Variants in TRMT11 observed in about 807,000 individuals in gnomAD.
TRMT11 encodes the protein tRNA (guanine(10)-N(2))-methyltransferase TRMT11.
Under a neutral mutation model 62.8 loss-of-function variants are expected in TRMT11, and 53 were observed. That is an observed-to-expected ratio of 0.84 (90% CI 0.68 to 1.06). The LOEUF (loss-of-function observed/expected upper bound fraction) is 1.06, where lower values mean the gene tolerates loss of function less well. Ranked by LOEUF, TRMT11 falls within the 50% of genes least tolerant of loss-of-function variation. The pLI is 0.00. For synonymous variants in TRMT11, 188 were observed against 190.3 expected (o/e 0.99, Z 0.10); for missense variants, 556 against 553.4 (o/e 1.00, Z -0.05).
At chr6:126,022,210 AT>A (rs796098459) in intron 12 of TRMT11, among the ~76,000 whole-genome samples, 15 of 146,962 alleles carry the variant, frequency 1.0e-4, no homozygotes, top group East Asian at 4.0e-4. Context: ...TGCCTGGCTG[AT>A]TTTTTTTTTG....
At chr6:126,079,095 C>T (rs1182430878) in intron 17 of TRMT11, among the ~76,000 whole-genome samples, 4 of 152,036 alleles carry the variant, frequency 2.6e-5, no homozygotes, top group Non-Finnish European at 4.4e-5. Context: ...TAACCCTAAG[C>T]CTTCAGGAGG....
rs1775719126 is a variant in TRMT11, at chr6:126,038,906, AT to A, written c.*71del. 3.0e-6 allele frequency: 4 copies of A among 1,316,064 alleles called. No homozygotes were observed. The South Asian group carries it at 5.9e-5, about 19-fold the overall frequency. The allele number at this position is 1,316,064 out of a possible 1,614,324, so 81.5% of individuals were successfully genotyped here. ...AAAAGACATCTGGATGTGAACTTTC[AT>A]GTATGATCCAGAAAATAGGTACGGT... On this transcript the variant is annotated 3_prime_UTR_variant, in exon 13 of 13. Coordinates refer to ENST00000334379, the MANE Select transcript of TRMT11 (RefSeq NM_001031712.3).
chr6:126,218,334 C>G, the TRMT11 span, among the ~76,000 whole-genome samples: 1 of 152,344 alleles, frequency 6.6e-6, no homozygotes, highest in Non-Finnish European at 1.5e-5. Context: ...TGGGGCACAC[C>G]TGAAGCCAGC....
chr6:126,067,193 CCTT>C (rs796532655), intron 17 of TRMT11, among the ~76,000 whole-genome samples: 153 of 145,566 alleles, frequency 1.1e-3, no homozygotes, highest in African/African-American at 4.0e-3. Flanking sequence ...GAGTGAGACT[CCTT>C]CTCAAAAAAA....
intron 1 of TRMT11, among the ~76,000 whole-genome samples, chr6:126,188,422 C>T (rs1405016999): frequency 2.0e-5 from 3 of 151,798 alleles, no homozygotes; most frequent in Non-Finnish European, 4.4e-5. Context: ...AATTGAAAAC[C>T]ACAAGATAAC....
At chr6:126,221,995 A>G in the TRMT11 span, among the ~76,000 whole-genome samples, 1 of 152,172 alleles carries the variant, frequency 6.6e-6, no homozygotes, top group Non-Finnish European at 1.5e-5. Flanking sequence ...GTAAAAGGCG[A>G]AAGGAAAGGG....
chr6:126,217,211 G>A, the TRMT11 span, among the ~76,000 whole-genome samples: 1 of 152,224 alleles, frequency 6.6e-6, no homozygotes, highest in Admixed American at 6.5e-5. Context: ...ACCTATGACT[G>A]TCTCTCCAAG....
chr6:126,035,183 T>C (rs548475534), intron 12 of TRMT11, among the ~76,000 whole-genome samples: 5 of 152,146 alleles, frequency 3.3e-5, no homozygotes, highest in Non-Finnish European at 7.4e-5. Flanking sequence ...GTGGTATTTA[T>C]ATGTATGATT....
intron 17 of TRMT11, among the ~76,000 whole-genome samples, chr6:126,062,061 A>AT (rs1220158720): frequency 5.9e-5 from 9 of 151,694 alleles, no homozygotes; most frequent in South Asian, 4.2e-4. Context: ...TGTATTTTCT[A>AT]TTTTTTTTGA....
chr6:126,224,320 T>C, the TRMT11 span, among the ~76,000 whole-genome samples: 1 of 152,262 alleles, frequency 6.6e-6, no homozygotes. Flanking sequence ...AATGAGGCTT[T>C]TTGCCTTTAC....
the TRMT11 span, among the ~76,000 whole-genome samples, chr6:126,261,943 G>A: frequency 2.0e-5 from 3 of 152,320 alleles, no homozygotes; most frequent in South Asian, 4.1e-4. Flanking sequence ...ACGGTAGTCT[G>A]TCTAGGGGTG....
rs1790265301 is a variant in TRMT11, at chr6:125,989,579, AC to A, written c.72+2958del. ...AGAACTAGAGAGGCTCAGGAGTGTGACTGTGTAAAGTAAGGCAATGCAGTGA... is the reference window on the plus strand; with the variant it reads ...AGAACTAGAGAGGCTCAGGAGTGTGATGTGTAAAGTAAGGCAATGCAGTGA... On this transcript the variant is annotated intron_variant, in intron 1 of 12. Coordinates refer to ENST00000334379, the MANE Select transcript of TRMT11 (RefSeq NM_001031712.3). Among the ~76,000 whole-genome samples the A allele has an allele frequency of 3.3e-5, 5 of 152,308 alleles. No homozygotes were observed. In the South Asian group the frequency reaches 1.0e-3, roughly 32 times the overall value.
intron 21 of TRMT11, among the ~76,000 whole-genome samples, chr6:126,128,860 A>G (rs918394035): frequency 2.6e-5 from 4 of 151,984 alleles, no homozygotes; most frequent in African/African-American, 7.2e-5. Context: ...ATTACTCTGA[A>G]CACGTAGGAG....
At chr6:126,042,977 A>G (rs1775923623), downstream of TRMT11, among the ~76,000 whole-genome samples, 1 of 152,144 alleles carries the variant, frequency 6.6e-6, no homozygotes, top group Non-Finnish European at 1.5e-5. Context: ...GTATCTCACC[A>G]CAAGTTGGAG....
intron 12 of TRMT11, among the ~76,000 whole-genome samples, chr6:126,023,387 C>T (rs1246903573): frequency 2.0e-5 from 3 of 152,132 alleles, no homozygotes; most frequent in Admixed American, 1.3e-4. Context: ...CGGTGGCTCA[C>T]GCCTGTAATC....
chr6:125,988,580 T>A (rs1790055822), intron 1 of TRMT11, among the ~76,000 whole-genome samples: 1 of 152,086 alleles, frequency 6.6e-6, no homozygotes, highest in Non-Finnish European at 1.5e-5. Context: ...TTGTAGGTAA[T>A]GAATGAGTGG....
exon 4 of TRMT11, chr6:126,202,044 G>A (rs903170961): frequency 6.6e-6 from 1 of 152,090 alleles, no homozygotes; most frequent in African/African-American, 2.4e-5. Flanking sequence ...CCACGGAGAA[G>A]ATGCCCTATA....
chr6:126,237,591 G>C, the TRMT11 span, among the ~76,000 whole-genome samples: 2 of 152,090 alleles, frequency 1.3e-5, no homozygotes, highest in African/African-American at 4.8e-5. Context: ...TGAGGGGGGA[G>C]GATCACCTGA....
chr6:126,162,219 T>C (rs1778198902), intron 21 of TRMT11, among the ~76,000 whole-genome samples: 1 of 152,190 alleles, frequency 6.6e-6, no homozygotes, highest in Non-Finnish European at 1.5e-5. Context: ...CTTTAATCCA[T>C]CTTGAGTTAA....
Sources: gnomAD v4.1 joint callset for allele counts (sites outside exome capture counted in the v4.1 genomes callset) on GRCh38, gnomAD v4.1.1 for gene constraint, MANE v1.5 for transcripts, NCBI Gene and HGNC (gene_info 2026-07-23, HGNC 2026-07-21) for gene names.